BFSP1: variants seen among roughly 807,000 people sequenced by gnomAD.
BFSP1 encodes filensin.
Under a neutral mutation model 43.9 loss-of-function variants are expected in BFSP1, and 38 were observed. The observed-to-expected ratio is 0.87, with a 90% CI of 0.67 to 1.14. The LOEUF (loss-of-function observed/expected upper bound fraction) is 1.14. Ranked by LOEUF, BFSP1 falls within the 50% of genes most tolerant of loss-of-function variation. The probability of loss-of-function intolerance (pLI) is 0.00; values close to 1 mark genes in which losing one functional copy is unlikely to be tolerated. For missense variants in BFSP1, 850 were observed against 875.1 expected (o/e 0.97, Z 0.36); for synonymous variants, 352 against 354.8 (o/e 0.99, Z 0.09).
intron 2 of BFSP1, among the ~76,000 whole-genome samples, chr20:17,523,315 G>A (rs1368723500): frequency 6.6e-6 from 1 of 151,572 alleles, no homozygotes; most frequent in East Asian, 1.9e-4. Context: ...ATGGCACTGC[G>A]TGAGTGACAA....
At chr20:17,545,568 C>T (rs2034786241) in intron 1 of BFSP1, among the ~76,000 whole-genome samples, 1 of 152,146 alleles carries the variant, frequency 6.6e-6, no homozygotes, top group Non-Finnish European at 1.5e-5. Context: ...AGAGTGAAAA[C>T]ATTTTAAAAT....
chr20:17,560,099 C>T (rs2035053518), upstream of BFSP1, among the ~76,000 whole-genome samples: 2 of 152,008 alleles, frequency 1.3e-5, no homozygotes, highest in South Asian at 4.2e-4. Flanking sequence ...GACATCCCTC[C>T]TGCTACCCCC....
upstream of BFSP1, among the ~76,000 whole-genome samples, chr20:17,532,348 T>C (rs546662120): frequency 2.1e-5 from 3 of 143,210 alleles, no homozygotes; most frequent in African/African-American, 7.9e-5. Context: ...GAGGCTGCAG[T>C]GAGCCGAGAT....
intron 1 of BFSP1, among the ~76,000 whole-genome samples, chr20:17,564,152 G>A (rs576423373): frequency 6.6e-6 from 1 of 151,992 alleles, no homozygotes; most frequent in South Asian, 2.1e-4. Context: ...GGGCAACATG[G>A]CAAGACTCTG....
In BFSP1 at chr20:17,525,110, C is replaced by T. The variant is rs1568700086; in HGVS notation, c.378-202G>A. ...AGAAAGTGGTACCATTTGCACACCGCGTGGGGTAACCAGGGGCAGTTAGCG... is the reference window on the plus strand; with the variant it reads ...AGAAAGTGGTACCATTTGCACACCGTGTGGGGTAACCAGGGGCAGTTAGCG... On this transcript the variant is annotated intron_variant, in intron 1 of 7. Coordinates refer to ENST00000377873, the MANE Select transcript of BFSP1 (RefSeq NM_001195.5). The surrounding 1 kb of genome is among the most constrained non-coding windows in gnomAD (Gnocchi z 4.2). 6.6e-6 allele frequency among the ~76,000 whole-genome samples: 1 copy of T among 152,094 alleles called. No homozygotes were observed. The highest frequency in any genetic ancestry group is 1.5e-5 in the Non-Finnish European group (1 of 68,016).
intron 5 of BFSP1, among the ~76,000 whole-genome samples, chr20:17,504,498 G>A (rs2033883151): frequency 6.6e-6 from 1 of 152,140 alleles, no homozygotes. Flanking sequence ...GAAGGCCGCA[G>A]TCCAGCAGGG....
At chr20:17,521,934 C>G (rs1315626384) in intron 2 of BFSP1, among the ~76,000 whole-genome samples, 1 of 152,204 alleles carries the variant, frequency 6.6e-6, no homozygotes, top group Non-Finnish European at 1.5e-5. Flanking sequence ...TCCCAGTCCA[C>G]AGCAACTGAG....
chr20:17,546,881 G>A (rs907149700), intron 1 of BFSP1, among the ~76,000 whole-genome samples: 7 of 151,832 alleles, frequency 4.6e-5, no homozygotes, highest in African/African-American at 9.7e-5. Context: ...AAAATTAGCC[G>A]GGTGTGGTGG....
chr20:17,542,243 A>G (rs947395144), intron 1 of BFSP1, among the ~76,000 whole-genome samples: 3 of 151,640 alleles, frequency 2.0e-5, no homozygotes, highest in Admixed American at 6.6e-5. Flanking sequence ...CGGTGAGAGT[A>G]TCTACACCAC....
At chr20:17,524,810 A>T in intron 2 of BFSP1, 38 bp downstream of exon 2, 1 of 1,598,662 alleles carries the variant, frequency 6.3e-7, no homozygotes, top group South Asian at 1.1e-5. Context: ...TCAACACTGT[A>T]ATTAAGCTAC....
chr20:17,548,770 T>C (rs572680557), intron 1 of BFSP1, among the ~76,000 whole-genome samples: 1 of 152,162 alleles, frequency 6.6e-6, no homozygotes, highest in Non-Finnish European at 1.5e-5. Flanking sequence ...CAGATTCTTA[T>C]ACTTATTGTT....
Position 17,512,124 on chromosome 20 carries a change from T to C in BFSP1, c.535-56A>G, listed in dbSNP as rs1410899590. 2.1e-6 allele frequency: 3 copies of C among 1,442,000 alleles called. No individual in the cohort carries two copies. The Admixed American group carries it at 5.1e-5, about 24-fold the overall frequency. 89.3% of individuals were successfully genotyped at this position (1,442,000 alleles called of 1,614,324 possible). A position where few individuals can be genotyped will look rare whatever the true frequency, so the allele number is the denominator to read the frequency against. ...AAGTTGAGCTGCGCTGGTTTTTCCT[T>C]CTAGTACTAGATGAGAACAGGAATG... is the stretch of plus-strand genomic sequence containing the variant. On this transcript the variant is annotated intron_variant, in intron 3 of 7. Transcript: ENST00000377873.
upstream of BFSP1, among the ~76,000 whole-genome samples, chr20:17,535,258 C>T (rs143603212): frequency 7.2e-3 from 1,092 of 152,032 alleles, 17 homozygotes; most frequent in East Asian, 0.019. Context: ...AGGCTGGGCA[C>T]GGTGGCTCAC....
chr20:17,547,795 A>G (rs6044874), intron 1 of BFSP1, among the ~76,000 whole-genome samples: 47,559 of 149,056 alleles, frequency 0.32, 8,039 homozygotes, highest in African/African-American at 0.35. Flanking sequence ...CAGTGGTGCA[A>G]TCTCAGCTCA....
upstream of BFSP1, among the ~76,000 whole-genome samples, chr20:17,561,376 G>A (rs1344571606): frequency 6.6e-6 from 1 of 152,116 alleles, no homozygotes; most frequent in Non-Finnish European, 1.5e-5. Context: ...GTGGGTGCCT[G>A]TAATCCCAGC....
intron 1 of BFSP1, among the ~76,000 whole-genome samples, chr20:17,528,460 T>C (rs1270509308): frequency 6.6e-6 from 1 of 152,218 alleles, no homozygotes. Context: ...TGATGGTCCA[T>C]CAAGCTGCCC....
At chr20:17,497,608 G>A (rs200597663) in intron 6 of BFSP1, among the ~76,000 whole-genome samples, 20,395 of 105,874 alleles carry the variant, frequency 0.19, 1,484 homozygotes, top group East Asian at 0.24. Context: ...ATATATATAC[G>A]TATATATACA....
chr20:17,561,698 A>G (rs1320975185), upstream of BFSP1, among the ~76,000 whole-genome samples: 2 of 151,986 alleles, frequency 1.3e-5, no homozygotes, highest in African/African-American at 4.8e-5. Flanking sequence ...TGTGATGCCC[A>G]CTCTGACCTT....
intron 5 of BFSP1, 60 bp downstream of exon 5, chr20:17,508,829 G>A (rs991632720): frequency 2.3e-5 from 33 of 1,423,978 alleles, no homozygotes; most frequent in Admixed American, 5.0e-5. Flanking sequence ...GTGCCTGCGC[G>A]TAACACCTCC....
Sources: allele counts gnomAD v4.1 joint callset (sites outside exome capture counted in the v4.1 genomes callset), GRCh38; gene constraint gnomAD v4.1.1; non-coding constraint Gnocchi (gnomAD v3.1); transcripts MANE v1.5; gene names NCBI Gene and HGNC (gene_info 2026-07-23, HGNC 2026-07-21).